Variants in APP observed in about 807,000 individuals in gnomAD.
APP encodes amyloid beta precursor protein.
In APP, 31 loss-of-function variants were observed where a neutral mutation model predicts 101.4. That is an observed-to-expected ratio of 0.31 (90% confidence interval 0.23 to 0.41). APP has a LOEUF of 0.41. APP is among the 10% of genes least tolerant of loss of function. The pLI is 1.00. For synonymous variants in APP, 366 were observed against 364.4 expected (o/e 1.00, Z -0.05); for missense variants, 839 against 1,003.7 (o/e 0.84, Z 2.22).
At position 26,109,356 on chromosome 21, in the gene APP, C is replaced by T. The variant is rs1431401383; in HGVS notation, c.225+2623G>A. ...AAGCACCATCCCTCGAGTGCTGTCCCGTGACAGTGTTCTCATGAGATCCGG... is the reference window on the plus strand; with the variant it reads ...AAGCACCATCCCTCGAGTGCTGTCCTGTGACAGTGTTCTCATGAGATCCGG... On this transcript the variant is annotated intron_variant, in intron 2 of 17. Transcript: ENST00000346798. Among the ~76,000 whole-genome samples, 4 of 152,186 alleles carry T rather than the reference C, an allele frequency of 2.6e-5. 1 individual carries two copies. The highest frequency in any genetic ancestry group is 4.1e-4 in the South Asian group (2 of 4,828).
At chr21:25,904,720 GT>G (rs1204533742) in intron 15 of APP, among the ~76,000 whole-genome samples, 1 of 149,732 alleles carries the variant, frequency 6.7e-6, no homozygotes, top group South Asian at 2.1e-4. Context: ...AATCGTCTCT[GT>G]TTTTGTTTTG....
At chr21:26,137,825 CAGG>C (rs1453241920) in intron 1 of APP, among the ~76,000 whole-genome samples, 1 of 151,952 alleles carries the variant, frequency 6.6e-6, no homozygotes, top group African/African-American at 2.4e-5. Context: ...AAAAAAAAAT[CAGG>C]AGGTGAGGCA....
At chr21:26,012,917 T>C (rs193197476) in intron 6 of APP, among the ~76,000 whole-genome samples, 69 of 151,962 alleles carry the variant, frequency 4.5e-4, no homozygotes, top group Non-Finnish European at 7.9e-4. Context: ...GAGACGGAGG[T>C]TGCAGTGAGC....
chr21:26,028,154 G>A (rs1312976485), intron 5 of APP, among the ~76,000 whole-genome samples: 2 of 149,278 alleles, frequency 1.3e-5, no homozygotes, highest in African/African-American at 5.0e-5. Flanking sequence ...TCCAGCCTGG[G>A]TGACAGAGTG....
At position 26,140,148 on chromosome 21, in the gene APP, C is replaced by A. The variant is rs1434191444; in HGVS notation, c.58-28002G>T. ...AACAATGCCAACTTCACAGTACTCA[C>A]TTACATAGTTGATAAACAGAACCAA... On this transcript the variant is annotated intron_variant, in intron 1 of 17. Transcript: ENST00000346798. 3.9e-6 allele frequency: 6 copies of A among 1,527,472 alleles called. No individual in the cohort carries two copies. The South Asian group carries it at 6.0e-5, about 15-fold the overall frequency. 94.6% of individuals were successfully genotyped at this position (1,527,472 alleles called of 1,614,324 possible).
chr21:25,973,265 T>C (rs539908382), intron 11 of APP, among the ~76,000 whole-genome samples: 2 of 152,190 alleles, frequency 1.3e-5, no homozygotes, highest in East Asian at 3.9e-4. Flanking sequence ...CATAACCTCA[T>C]TCAGTGTACA....
At chr21:25,923,534 GA>G (rs1346542804) in intron 13 of APP, among the ~76,000 whole-genome samples, 8 of 112,692 alleles carry the variant, frequency 7.1e-5, no homozygotes, top group African/African-American at 2.6e-4. Context: ...AAATTTACAA[GA>G]AAAAAACAAA....
intron 1 of APP, among the ~76,000 whole-genome samples, chr21:26,121,624 G>C (rs562566752): frequency 6.6e-6 from 1 of 152,180 alleles, no homozygotes; most frequent in East Asian, 1.9e-4. Flanking sequence ...CTGACCTCGT[G>C]AGCCACCGCG....
intron 13 of APP, among the ~76,000 whole-genome samples, chr21:25,913,236 G>A (rs2039171677): frequency 6.6e-6 from 1 of 152,172 alleles, no homozygotes; most frequent in African/African-American, 2.4e-5. Flanking sequence ...TAAAGCTTGT[G>A]ATTAATATCT....
intron 3 of APP, among the ~76,000 whole-genome samples, chr21:26,080,849 C>A (rs542687467): frequency 1.3e-5 from 2 of 151,938 alleles, no homozygotes; most frequent in African/African-American, 4.8e-5. Context: ...TCCTAAAGAC[C>A]ATAATCTAGG....
At chr21:25,892,505 A>C (rs1183289125) in intron 16 of APP, among the ~76,000 whole-genome samples, 1 of 151,318 alleles carries the variant, frequency 6.6e-6, no homozygotes, top group Non-Finnish European at 1.5e-5. Flanking sequence ...ATTCTAATTA[A>C]CCTTTAGCAG....
chr21:25,905,098 A>T (rs2038720877), intron 14 of APP, 21 bp from the exon 15 acceptor site: 2 of 1,611,172 alleles, frequency 1.2e-6, no homozygotes, highest in Admixed American at 3.3e-5. Context: ...GAAGCAAGGG[A>T]CACAGAAAGC....
chr21:26,143,260 C>A (rs1190242079), intron 1 of APP, among the ~76,000 whole-genome samples: 1 of 152,032 alleles, frequency 6.6e-6, no homozygotes, highest in African/African-American at 2.4e-5. Context: ...GATCACTTAG[C>A]CTAGGAGTTT....
At chr21:26,071,540 T>G (rs1431010305) in intron 3 of APP, among the ~76,000 whole-genome samples, 1 of 152,238 alleles carries the variant, frequency 6.6e-6, no homozygotes, top group Non-Finnish European at 1.5e-5. Context: ...GTGTGATTAA[T>G]GCTTATAATT....
chr21:25,893,113 G>A lies in APP; in HGVS notation c.2065-1245C>T, dbSNP rs7280839. On this transcript the variant is annotated intron_variant, in intron 16 of 17. Transcript: ENST00000346798. ...TTATTATATCTGTTTGGTGATCTGTGATCAGTGGCCTTTGATGTTACTATT... is the reference window on the plus strand; with the variant it reads ...TTATTATATCTGTTTGGTGATCTGTAATCAGTGGCCTTTGATGTTACTATT... 9.5e-3 allele frequency among the ~76,000 whole-genome samples: 1,451 copies of A among 152,228 alleles called. 26 individuals carry two copies. The highest frequency in any genetic ancestry group is 0.032 in the African/African-American group (1,346 of 41,522).
At chr21:26,060,103 T>C (rs956798387) in intron 3 of APP, among the ~76,000 whole-genome samples, 3 of 152,128 alleles carry the variant, frequency 2.0e-5, no homozygotes, top group African/African-American at 7.2e-5. Context: ...TCAACCACAG[T>C]AGTTTCTCAT....
intron 5 of APP, among the ~76,000 whole-genome samples, chr21:26,033,651 T>C (rs9984154): frequency 0.011 from 1,747 of 152,150 alleles, 29 homozygotes; most frequent in African/African-American, 0.04. Context: ...CAGAGCCTAG[T>C]AGAAAAGCCT....
chr21:26,148,970 C>T (rs1601576617), intron 1 of APP, among the ~76,000 whole-genome samples: 1 of 152,198 alleles, frequency 6.6e-6, no homozygotes, highest in Non-Finnish European at 1.5e-5. Flanking sequence ...AACATCCACA[C>T]TCAGAACTTC....
chr21:26,109,300 G>A (rs1405431043), intron 2 of APP, among the ~76,000 whole-genome samples: 1 of 152,170 alleles, frequency 6.6e-6, no homozygotes, highest in East Asian at 1.9e-4. Flanking sequence ...TGGTGGGAAG[G>A]GATTGGATCA....
Sources: allele counts gnomAD v4.1 joint callset (sites outside exome capture counted in the v4.1 genomes callset), GRCh38; gene constraint gnomAD v4.1.1; transcripts MANE v1.5; gene names NCBI Gene and HGNC (gene_info 2026-07-23, HGNC 2026-07-21).